The following KIF5B variants were observed in gnomAD, a reference collection of about 807,000 sequenced individuals.
KIF5B encodes kinesin-1 heavy chain.
A neutral mutation model predicts 132.8 loss-of-function variants in KIF5B; 49 were observed. The ratio of observed to expected loss-of-function variants is 0.37; its 90% CI spans 0.29 to 0.47. The LOEUF (loss-of-function observed/expected upper bound fraction) is 0.47, where lower values mean the gene tolerates loss of function less well. Among genes scored for constraint, KIF5B ranks in the 20% least tolerant of loss-of-function variants. The probability of loss-of-function intolerance (pLI) is 1.00; values close to 1 mark genes in which losing one functional copy is unlikely to be tolerated. For missense variants in KIF5B, 780 were observed against 1,144.0 expected (o/e 0.68, Z 4.59); for synonymous variants, 355 against 369.4 (o/e 0.96, Z 0.45).
Position 32,048,560 on chromosome 10 carries a change from CAA to C in KIF5B, c.127-11_127-10del. 1 of 1,601,250 alleles carries C rather than the reference CAA, an allele frequency of 6.2e-7. No homozygotes were observed. On this transcript the variant is annotated splice_polypyrimidine_tract_variant and intron_variant, in intron 1 of 25. Coordinates refer to ENST00000302418, the MANE Select transcript of KIF5B (RefSeq NM_004521.3). ...AATGCATAAGGCTTGGACTGAAAAA[CAA>C]AAAAGTGTTTCAACTATACAAATTA...
intron 24 of KIF5B, 96 bp from the exon 25 acceptor site, chr10:32,015,755 A>C (rs986284647): frequency 9.5e-7 from 1 of 1,052,508 alleles, no homozygotes; most frequent in Non-Finnish European, 1.4e-6. Flanking sequence ...CAAATTCCCA[A>C]ATGTTTTGTT....
chr10:32,047,701 G>C (rs997217301), intron 2 of KIF5B, among the ~76,000 whole-genome samples: 3 of 152,062 alleles, frequency 2.0e-5, no homozygotes, highest in Non-Finnish European at 4.4e-5. Context: ...GTGCTCCTAT[G>C]CTATCCTAAT....
chr10:32,030,515 C>CA (rs36044885), intron 14 of KIF5B, among the ~76,000 whole-genome samples: 31,421 of 122,442 alleles, frequency 0.26, 3,561 homozygotes, highest in Middle Eastern at 0.3. Context: ...AACTTTGTCT[C>CA]AAAAAAAAAA....
At chr10:32,039,267 T>C in intron 4 of KIF5B, 60 bp downstream of exon 4, 1 of 659,454 alleles carries the variant, frequency 1.5e-6, no homozygotes, top group Admixed American at 3.2e-5. Context: ...GCATTTACTA[T>C]TTTTTTAGAA....
At chr10:32,026,535 CTT>C (rs11403552) in intron 15 of KIF5B, among the ~76,000 whole-genome samples, 1 of 136,096 alleles carries the variant, frequency 7.3e-6, no homozygotes. Context: ...ACTGAGGATC[CTT>C]TTTTTTTTTT....
intron 13 of KIF5B, 76 bp from the exon 14 acceptor site, chr10:32,031,355 G>GT: frequency 3.6e-6 from 4 of 1,114,612 alleles, no homozygotes; most frequent in Non-Finnish European, 5.3e-6. Flanking sequence ...TTCACCATTT[G>GT]TCAAGAACAA....
rs1352560806 is a variant in KIF5B, at chr10:32,010,211, A to C, written c.*1326T>G. On this transcript the variant is annotated 3_prime_UTR_variant, in exon 26 of 26. Coordinates refer to ENST00000302418, the MANE Select transcript of KIF5B (RefSeq NM_004521.3). ...ACACAGTTGCAGTCACCGCCCCCCT[A>C]CCACTGATGAAGCAAATAGTGAAAT... 1 of 151,936 alleles carries C rather than the reference A, an allele frequency of 6.6e-6. No homozygotes were observed. Among genetic ancestry groups the C allele is most frequent in the Non-Finnish European group, 1.5e-5 (1 of 67,946 alleles). The allele number at this position is 151,936 out of a possible 1,614,324, so 9.4% of individuals were successfully genotyped here. A position where few individuals can be genotyped will look rare whatever the true frequency, so the allele number is the denominator to read the frequency against.
intron 4 of KIF5B, 50 bp from the exon 5 acceptor site, chr10:32,038,876 A>C: frequency 8.7e-7 from 1 of 1,151,160 alleles, no homozygotes; most frequent in Non-Finnish European, 1.3e-6. Context: ...TATATAACTT[A>C]TTCGCATATT....
At chr10:32,054,089 C>A (rs1390904563) in intron 1 of KIF5B, among the ~76,000 whole-genome samples, 2 of 152,190 alleles carry the variant, frequency 1.3e-5, no homozygotes, top group African/African-American at 2.4e-5. Flanking sequence ...AACTACAGAT[C>A]TGTGTAAACA....
At position 32,026,523 on chromosome 10, in the gene KIF5B, A is replaced by G. The variant is rs1301620511; in HGVS notation, c.1725+1905T>C. Among the ~76,000 whole-genome samples, 4 of 127,518 alleles carry G rather than the reference A, an allele frequency of 3.1e-5. No homozygotes were observed. The East Asian group carries it at 9.0e-4, about 29-fold the overall frequency. The allele number at this position is 127,518 out of a possible 152,430, so 83.7% of individuals were successfully genotyped here. On this transcript the variant is annotated intron_variant, in intron 15 of 25. Transcript: ENST00000302418. ...AAAGAATTACTTGTTAATGACAAAA[A>G]TACTGAGGATCCTTTTTTTTTTTTA...
chr10:32,045,307 GA>G (rs369745376), intron 2 of KIF5B, among the ~76,000 whole-genome samples: 177 of 151,864 alleles, frequency 1.2e-3, no homozygotes, highest in African/African-American at 4.2e-3. Context: ...GTCATATTCA[GA>G]AAAAAAATAA....
chr10:32,014,816 T>C (rs902069146), intron 25 of KIF5B, among the ~76,000 whole-genome samples: 3 of 152,156 alleles, frequency 2.0e-5, no homozygotes, highest in Non-Finnish European at 4.4e-5. Context: ...CTCTAACAGG[T>C]TAGGGAATAC....
intron 23 of KIF5B, 61 bp downstream of exon 23, chr10:32,017,991 C>T (rs1841198641): frequency 2.4e-6 from 2 of 846,288 alleles, no homozygotes; most frequent in East Asian, 2.6e-5. Flanking sequence ...TACTCACTTG[C>T]CAATCCTCAA....
chr10:32,022,963 T>C lies in KIF5B; in HGVS notation c.1799A>G (p.Glu600Gly). ...ARLYISKMKS[E>G]VKTMVKRCKQ... ...GCAACGTTTCACCATGGTTTTTACTTCTGACTTCATTTTGCTAATGTAGAG... is the reference window on the plus strand; with the variant it reads ...GCAACGTTTCACCATGGTTTTTACTCCTGACTTCATTTTGCTAATGTAGAG... The change falls in exon 16 of 26, where the codon GAA (glutamate) becomes GGA (glycine). Residue 600 changes from glutamate to glycine, a missense_variant. Coordinates refer to ENST00000302418, the MANE Select transcript of KIF5B (RefSeq NM_004521.3). 6.2e-7 allele frequency: 1 copy of C among 1,613,596 alleles called. No individual in the cohort carries two copies. Among genetic ancestry groups the C allele is most frequent in the African/African-American group, 1.3e-5 (1 of 75,046 alleles).
chr10:32,043,560 G>A (rs1841571415), intron 2 of KIF5B, among the ~76,000 whole-genome samples: 1 of 152,138 alleles, frequency 6.6e-6, no homozygotes, highest in Non-Finnish European at 1.5e-5. Context: ...AGGAAGCCAT[G>A]GTGGAAAAAA....
chr10:32,051,607 C>T (rs1054300799), intron 1 of KIF5B, among the ~76,000 whole-genome samples: 8 of 152,210 alleles, frequency 5.3e-5, no homozygotes, highest in African/African-American at 1.9e-4. Context: ...ATAATTGAGA[C>T]TGGAGTGATT....
At chr10:32,036,857 A>C (rs946651318) in intron 8 of KIF5B, among the ~76,000 whole-genome samples, 3 of 152,242 alleles carry the variant, frequency 2.0e-5, no homozygotes, top group African/African-American at 7.2e-5. Flanking sequence ...TCCAAAGGAA[A>C]GAAATAAGTC....
intron 2 of KIF5B, 32 bp from the exon 3 acceptor site, chr10:32,040,489 T>C (rs1841518856): frequency 7.7e-7 from 1 of 1,302,412 alleles, no homozygotes; most frequent in Non-Finnish European, 1.1e-6. Flanking sequence ...TTCAGGGGAT[T>C]TTTTCCTTAA....
In KIF5B at chr10:32,018,392, G is replaced by A. The variant is rs200240194; in HGVS notation, c.2368-5C>T. 1.0e-4 allele frequency: 162 copies of A among 1,552,694 alleles called. No homozygotes were observed. In the East Asian group the frequency reaches 3.1e-3, roughly 29 times the overall value. On this transcript the variant is annotated splice_polypyrimidine_tract_variant and splice_region_variant and intron_variant, in intron 21 of 25. Transcript: ENST00000302418. ...TAAAGTCTGAAGTTCTTTTGCCTTG[G>A]ATTAAGAACAGCGATATTTTTGGAG...
Sources: allele counts gnomAD v4.1 joint callset (sites outside exome capture counted in the v4.1 genomes callset), GRCh38; gene constraint gnomAD v4.1.1; transcripts MANE v1.5; gene names NCBI Gene and HGNC (gene_info 2026-07-23, HGNC 2026-07-21).